The following SCN4B variants were observed in gnomAD, a reference collection of about 807,000 sequenced individuals.
SCN4B encodes the protein sodium voltage-gated channel beta subunit 4, also known as sodium channel regulatory subunit beta-4.
SCN4B carries 20 observed loss-of-function variants against 19.6 expected under a neutral mutation model. That is an observed-to-expected ratio of 1.02 (90% CI 0.72 to 1.48). The LOEUF (loss-of-function observed/expected upper bound fraction) is 1.48, where lower values mean the gene tolerates loss of function less well. SCN4B is among the 40% of genes most tolerant of loss of function. The pLI is 0.00. For missense variants in SCN4B, 271 were observed against 287.5 expected (o/e 0.94, Z 0.42); for synonymous variants, 127 against 122.8 (o/e 1.03, Z -0.22).
chr11:118,139,391 A>ATTTC (rs757027127), intron 4 of SCN4B, among the ~76,000 whole-genome samples: 1 of 152,014 alleles, frequency 6.6e-6, no homozygotes, highest in Non-Finnish European at 1.5e-5. Context: ...CCCTGCCCTG[A>ATTTC]ACCCCCACAG....
At chr11:118,145,560 C>T (rs1359775136) in intron 1 of SCN4B, 2 of 1,008,778 alleles carry the variant, frequency 2.0e-6, no homozygotes, top group Non-Finnish European at 2.6e-6. Context: ...CACCTGGGGA[C>T]GCAGTGCCTG....
In SCN4B at chr11:118,135,001, G is replaced by C. The variant is rs751471452; in HGVS notation, c.*2026C>G. 6.6e-6 allele frequency: 3 copies of C among 454,106 alleles called. 1 individual carries two copies. Among genetic ancestry groups the C allele is most frequent in the South Asian group, 4.7e-5 (3 of 64,476 alleles). The allele number at this position is 454,106 out of a possible 1,614,324, so 28.1% of individuals were successfully genotyped here. A position where few individuals can be genotyped will look rare whatever the true frequency, so the allele number is the denominator to read the frequency against. On this transcript the variant is annotated 3_prime_UTR_variant, in exon 5 of 5. Transcript: ENST00000324727. ...TTCTTCTCCCTACTCTACGTGCCTT[G>C]GCTTTCTCTTAAGACAGAAGGAGGA... is the stretch of plus-strand genomic sequence containing the variant.
chr11:118,150,903 G>C (rs1948227421), intron 1 of SCN4B, among the ~76,000 whole-genome samples: 2 of 152,214 alleles, frequency 1.3e-5, no homozygotes, highest in African/African-American at 4.8e-5. Flanking sequence ...GCAGGGGACA[G>C]AGCAGATGAG....
At chr11:118,137,281 C>T (rs572623653) in intron 4 of SCN4B, among the ~76,000 whole-genome samples, 161 bp from the exon 5 acceptor site, 10 of 152,326 alleles carry the variant, frequency 6.6e-5, no homozygotes, top group Admixed American at 5.9e-4. Flanking sequence ...CTCTGTACCT[C>T]AGTCCCCTCA....
intron 1 of SCN4B, among the ~76,000 whole-genome samples, chr11:118,149,324 G>A (rs558695230): frequency 2.8e-4 from 43 of 152,310 alleles, no homozygotes; most frequent in African/African-American, 9.6e-4. Context: ...ATAGCTCTGA[G>A]GGCTTGCTGG....
intron 3 of SCN4B, 49 bp downstream of exon 3, chr11:118,143,784 T>C: frequency 2.1e-6 from 3 of 1,420,318 alleles, no homozygotes; most frequent in Non-Finnish European, 3.0e-6. Context: ...GTTGGGTGCC[T>C]CCCAAGTCCT....
intron 4 of SCN4B, among the ~76,000 whole-genome samples, chr11:118,139,444 C>A (rs1948067102): frequency 6.6e-6 from 1 of 152,224 alleles, no homozygotes; most frequent in South Asian, 2.1e-4. Context: ...ATCCCCTCTA[C>A]CTTGTATTAC....
rs754871102 is a variant in SCN4B at position 118,135,512 on chromosome 11, C to A, written c.*1515G>T. On this transcript the variant is annotated 3_prime_UTR_variant, in exon 5 of 5. Coordinates refer to ENST00000324727, the MANE Select transcript of SCN4B (RefSeq NM_174934.4). ...GCTTGTTACCACTTTTCCCTGCCAT[C>A]CCTGGCCTCACCAATTCTGCCCAAC... 4 of 453,968 alleles carry A rather than the reference C, an allele frequency of 8.8e-6. No individual in the cohort carries two copies. Among genetic ancestry groups the A allele is most frequent in the South Asian group, 6.2e-5 (4 of 64,478 alleles). The allele number at this position is 453,968 out of a possible 1,614,324, so 28.1% of individuals were successfully genotyped here. A position where few individuals can be genotyped will look rare whatever the true frequency, so the allele number is the denominator to read the frequency against.
chr11:118,146,622 C>CCCTT (rs1165564883), intron 1 of SCN4B, among the ~76,000 whole-genome samples: 2 of 152,222 alleles, frequency 1.3e-5, no homozygotes, highest in Admixed American at 6.5e-5. Flanking sequence ...TCTTCCTGTG[C>CCCTT]CCTTAGCTTC....
chr11:118,133,809 G>C lies in SCN4B; in HGVS notation c.*3218C>G, dbSNP rs1947951266. The C allele has an allele frequency of 2.2e-6, 1 of 454,418 alleles. No individual in the cohort carries two copies. The highest frequency in any genetic ancestry group is 2.4e-5 in the Admixed American group (1 of 42,552). 28.1% of individuals were successfully genotyped at this position (454,418 alleles called of 1,614,324 possible). On this transcript the variant is annotated 3_prime_UTR_variant, in exon 5 of 5. Coordinates refer to ENST00000324727, the MANE Select transcript of SCN4B (RefSeq NM_174934.4). The stretch of plus-strand genomic sequence containing the variant: ...CAGCTGTCTGTGACACTGAGATGAA[G>C]TCATGGAGTGACGGAATGCAGGAGC...
chr11:118,147,937 G>A lies in SCN4B; in HGVS notation c.62-2708C>T, dbSNP rs140167534. 1.1e-3 allele frequency among the ~76,000 whole-genome samples: 163 copies of A among 152,312 alleles called. No individual in the cohort carries two copies. In the Middle Eastern group the frequency reaches 0.017, roughly 16 times the overall value. ...AGATATTCAAGAGCACAAAAGATGC[G>A]TGCGAAAAGGAAATCTTATTGATTG... On this transcript the variant is annotated intron_variant, in intron 1 of 4. Transcript: ENST00000324727.
In SCN4B at chr11:118,133,847, C is replaced by A. The variant is rs1565450568; in HGVS notation, c.*3180G>T. Reference sequence around the variant, plus strand: ...GGAATGCAGGAGCACGGCTGGTCTTCTCTGCCTTTGATTCTTTCTCAGTCT... The same window carrying A: ...GGAATGCAGGAGCACGGCTGGTCTTATCTGCCTTTGATTCTTTCTCAGTCT... On this transcript the variant is annotated 3_prime_UTR_variant, in exon 5 of 5. Transcript: ENST00000324727. 1 of 454,482 alleles carries A rather than the reference C, an allele frequency of 2.2e-6. No individual in the cohort carries two copies. 28.2% of individuals were successfully genotyped at this position (454,482 alleles called of 1,614,324 possible). A position where few individuals can be genotyped will look rare whatever the true frequency, so the allele number is the denominator to read the frequency against.
intron 1 of SCN4B, among the ~76,000 whole-genome samples, chr11:118,150,126 C>A (rs181527880): frequency 1.3e-5 from 2 of 152,170 alleles, no homozygotes; most frequent in East Asian, 3.9e-4. Context: ...AATAGAGCAC[C>A]CTCACAAGTG....
In SCN4B at chr11:118,141,430, C is replaced by T. The variant is rs967257206; in HGVS notation, c.464-94G>A. 12 of 1,502,508 alleles carry T rather than the reference C, an allele frequency of 8.0e-6. No individual in the cohort carries two copies. In the East Asian group the frequency reaches 2.5e-4, roughly 31 times the overall value. 93.1% of individuals were successfully genotyped at this position (1,502,508 alleles called of 1,614,324 possible). On this transcript the variant is annotated intron_variant, in intron 3 of 4. Transcript: ENST00000324727. ...TGTGGCAGTGCAAGGGCCATGTAGC[C>T]TCCACCCCCTGGCATCCGGGGCACA...
rs1421069738 is a variant in SCN4B, at chr11:118,134,694, G to C, written c.*2333C>G. On this transcript the variant is annotated 3_prime_UTR_variant, in exon 5 of 5. Coordinates refer to ENST00000324727, the MANE Select transcript of SCN4B (RefSeq NM_174934.4). ...GGGGTGGGATGGAAAGAAAGAGAGA[G>C]AGAGTGTGTGTGTCTGTATGTGGGT... The C allele has an allele frequency of 4.4e-6, 2 of 454,140 alleles. No individual in the cohort carries two copies. Among genetic ancestry groups the C allele is most frequent in the Admixed American group, 4.7e-5 (2 of 42,580 alleles). The allele number at this position is 454,140 out of a possible 1,614,324, so 28.1% of individuals were successfully genotyped here. A position where few individuals can be genotyped will look rare whatever the true frequency, so the allele number is the denominator to read the frequency against.
chr11:118,145,630 G>A, intron 1 of SCN4B: 1 of 420,598 alleles, frequency 2.4e-6, no homozygotes, highest in African/African-American at 2.1e-5. Flanking sequence ...CTGTTTGCAG[G>A]GGAATTCCCC....
Position 118,152,640 on chromosome 11 carries a change from C to T in SCN4B, c.34G>A (p.Ala12Thr), listed in dbSNP as rs752598271. 54 of 1,612,246 alleles carry T rather than the reference C, an allele frequency of 3.3e-5. No individual in the cohort carries two copies. Among genetic ancestry groups the T allele is most frequent in the Non-Finnish European group, 4.5e-5 (53 of 1,179,040 alleles). ...AAAAGCCCAGTGCCCAGCCATCTCG[C>T]CGGGGCTTTGCCTCCGTCCCCAGCC... ...PGAGDGGKAPARWLGTGLLGL... is the reference protein window; with the variant it reads ...PGAGDGGKAPTRWLGTGLLGL... The change falls in exon 1 of 5, where the codon GCG (alanine) becomes ACG (threonine). Residue 12 changes from alanine (A) to threonine (T), a missense_variant. By Grantham distance (58) the Ala-to-Thr change is moderately conservative. Transcript: ENST00000324727.
chr11:118,141,232 T>G lies in SCN4B; in HGVS notation c.568A>C (p.Ile190Leu), dbSNP rs757147726. The G allele has an allele frequency of 3.7e-6, 6 of 1,612,868 alleles. No individual in the cohort carries two copies. In the Admixed American group the frequency reaches 1.0e-4, roughly 27 times the overall value. The change falls in exon 4 of 5, where the codon ATC becomes CTC. Residue 190 changes from isoleucine (I) to leucine (L), a missense_variant. Transcript: ENST00000324727. The part of the protein sequence containing the change: ...ILLIKKLIIF[I>L]LKKTREKKKE... ...TTCTTCTCCCGAGTCTTCTTCAGGA[T>G]GAAGATGATGAGTTTCTTGATCAGC...
At position 118,136,206 on chromosome 11, in the gene SCN4B, C is replaced by G; in HGVS notation, c.*821G>C. ...GCAATGGGGCGGGCATCCCAGAGGC[C>G]CAGGACACTGGCTCACTACCTCTGT... On this transcript the variant is annotated 3_prime_UTR_variant, in exon 5 of 5. Transcript: ENST00000324727. 1 of 453,696 alleles carries G rather than the reference C, an allele frequency of 2.2e-6. No individual in the cohort carries two copies. The highest frequency in any genetic ancestry group is 4.4e-6 in the Non-Finnish European group (1 of 226,660). The allele number at this position is 453,696 out of a possible 1,614,324, so 28.1% of individuals were successfully genotyped here.
Sources: allele counts gnomAD v4.1 joint callset (sites outside exome capture counted in the v4.1 genomes callset), GRCh38; gene constraint gnomAD v4.1.1; transcripts MANE v1.5; gene names NCBI Gene and HGNC (gene_info 2026-07-23, HGNC 2026-07-21).